Variants in WT1 observed in about 807,000 individuals in gnomAD.
WT1 encodes Wilms tumor protein.
WT1 carries 8 observed loss-of-function variants against 60.8 expected under a neutral mutation model. That is an observed-to-expected ratio of 0.13 (90% CI 0.08 to 0.24). The LOEUF is 0.24. Among genes scored for constraint, WT1 ranks in the 10% least tolerant of loss-of-function variants. WT1 has a pLI of 1.00. For missense variants in WT1, 568 were observed against 711.8 expected, an observed-to-expected ratio of 0.80 and a Z score of 2.30; for synonymous variants, 312 against 297.1, an observed-to-expected ratio of 1.05 and a Z score of -0.52.
In WT1 at chr11:32,416,672, C is replaced by G. The variant is rs1367338399; in HGVS notation, c.966-132G>C. 4.3e-6 allele frequency: 5 copies of G among 1,159,420 alleles called. No homozygotes were observed. The Admixed American group carries it at 6.8e-5, about 16-fold the overall frequency. The allele number at this position is 1,159,420 out of a possible 1,614,324, so 71.8% of individuals were successfully genotyped here. A position where few individuals can be genotyped will look rare whatever the true frequency, so the allele number is the denominator to read the frequency against. On this transcript the variant is annotated intron_variant, in intron 4 of 9. Transcript: ENST00000452863. ...CAAGCTAGCTATCAAGAGTGCTGAA[C>G]TAAGTCCCCAGTCCCACTGGGGCCA...
intron 5 of WT1, among the ~76,000 whole-genome samples, chr11:32,407,813 CAAGAG>C (rs1019781729): frequency 1.6e-4 from 24 of 151,612 alleles, no homozygotes; most frequent in Admixed American, 5.9e-4. Context: ...AGTTTAAACA[CAAGAG>C]AAGAGGCTGA....
chr11:32,415,838 A>T (rs1000032776), intron 5 of WT1, among the ~76,000 whole-genome samples: 6 of 152,164 alleles, frequency 3.9e-5, no homozygotes, highest in African/African-American at 1.4e-4. Context: ...CCTAACAGTA[A>T]GTCTTGGAAG....
At chr11:32,389,641 A>T (rs959318973) in intron 9 of WT1, among the ~76,000 whole-genome samples, 1 of 152,120 alleles carries the variant, frequency 6.6e-6, no homozygotes, top group Admixed American at 6.5e-5. Context: ...CTCAGCTGTG[A>T]CTGAAGCTTT....
At chr11:32,401,015 G>C (rs1852136371) in intron 5 of WT1, among the ~76,000 whole-genome samples, 1 of 152,126 alleles carries the variant, frequency 6.6e-6, no homozygotes, top group Non-Finnish European at 1.5e-5. Context: ...TATTCCCAAG[G>C]GAAATGAAAA....
chr11:32,409,774 A>G (rs1221572732), intron 5 of WT1, among the ~76,000 whole-genome samples: 4 of 151,954 alleles, frequency 2.6e-5, no homozygotes, highest in Admixed American at 1.3e-4. Context: ...TAATATTGTT[A>G]CTAGATGATC....
intron 1 of WT1, among the ~76,000 whole-genome samples, chr11:32,432,724 G>C (rs1462808713): frequency 1.3e-5 from 2 of 152,046 alleles, no homozygotes; most frequent in East Asian, 3.9e-4. Context: ...ATGCCTGCTG[G>C]CTGCAAAACC....
At chr11:32,432,590 C>A (rs1853349842) in intron 1 of WT1, among the ~76,000 whole-genome samples, 1 of 152,214 alleles carries the variant, frequency 6.6e-6, no homozygotes, top group Non-Finnish European at 1.5e-5. Flanking sequence ...CTCCATTGGG[C>A]TTTTTCTCCA....
Position 32,435,013 on chromosome 11 carries a change from C to CG in WT1, c.347dup (p.Ala118ArgfsTer86). On this transcript the variant is annotated frameshift_variant, in exon 1 of 10. Coordinates refer to ENST00000452863, the MANE Select transcript of WT1 (RefSeq NM_024426.6). LOFTEE classifies it high-confidence loss of function. ...CCAACGACCCGTAAGCCGAAGCGCC[C>CG]GGGGGCGCAAAGTCCAGCACCGGCG... 1 of 1,487,734 alleles carries CG rather than the reference C, an allele frequency of 6.7e-7. No homozygotes were observed. The highest frequency in any genetic ancestry group is 8.9e-7 in the Non-Finnish European group (1 of 1,129,312). 92.2% of individuals were successfully genotyped at this position (1,487,734 alleles called of 1,614,324 possible).
At chr11:32,429,018 C>A in intron 1 of WT1, 1 of 330,360 alleles carries the variant, frequency 3.0e-6, no homozygotes, top group Non-Finnish European at 6.0e-6. Context: ...CGCGGGCAAG[C>A]GAAATGAATC....
chr11:32,400,909 T>C (rs1852134491), intron 5 of WT1, among the ~76,000 whole-genome samples: 1 of 152,244 alleles, frequency 6.6e-6, no homozygotes. Flanking sequence ...GAAATAGCTC[T>C]GTGAAATGAT....
intron 9 of WT1, among the ~76,000 whole-genome samples, chr11:32,389,837 A>T (rs1851766132): frequency 6.6e-6 from 1 of 152,114 alleles, no homozygotes; most frequent in South Asian, 2.1e-4. Flanking sequence ...TTGCCAAAAG[A>T]TTGAGGCTTC....
In WT1 at chr11:32,435,537, C is replaced by A; in HGVS notation, c.-177G>T. 1 of 1,011,028 alleles carries A rather than the reference C, an allele frequency of 9.9e-7. No homozygotes were observed. The highest frequency in any genetic ancestry group is 1.4e-6 in the Non-Finnish European group (1 of 708,378). The allele number at this position is 1,011,028 out of a possible 1,614,324, so 62.6% of individuals were successfully genotyped here. On this transcript the variant is annotated 5_prime_UTR_variant, in exon 1 of 10. Coordinates refer to ENST00000452863, the MANE Select transcript of WT1 (RefSeq NM_024426.6). ...TGCCTTGAACTCCTTACCCCAGCTG[C>A]CTGGCTGCCCTCAGCTTCCCAAAGC...
intron 1 of WT1, 61 bp downstream of exon 1, chr11:32,434,639 A>G (rs1590408577): frequency 1.9e-6 from 3 of 1,610,332 alleles, no homozygotes; most frequent in Non-Finnish European, 2.5e-6. Context: ...GGGGTGTCCT[A>G]GAGCGGAGAG....
chr11:32,424,159 T>TCAAA (rs1185560774), intron 3 of WT1, among the ~76,000 whole-genome samples: 10 of 37,616 alleles, frequency 2.7e-4, no homozygotes, highest in Non-Finnish European at 3.3e-4. Flanking sequence ...AGATGCCATC[T>TCAAA]CAAAAAAAAA....
At chr11:32,433,087 C>T (rs1269561447) in intron 1 of WT1, among the ~76,000 whole-genome samples, 1 of 152,198 alleles carries the variant, frequency 6.6e-6, no homozygotes, top group Admixed American at 6.5e-5. Context: ...CTCCAGGTTG[C>T]CCATCTCAGC....
intron 3 of WT1, among the ~76,000 whole-genome samples, chr11:32,423,316 A>AAGT (rs1852915166): frequency 6.6e-6 from 1 of 152,226 alleles, no homozygotes; most frequent in Non-Finnish European, 1.5e-5. Flanking sequence ...ACTTCACCCC[A>AAGT]ACAGTTCACA....
intron 7 of WT1, among the ~76,000 whole-genome samples, chr11:32,394,574 T>C (rs1851910832): frequency 6.6e-6 from 1 of 152,232 alleles, no homozygotes; most frequent in Non-Finnish European, 1.5e-5. Flanking sequence ...CTCTTTCTGC[T>C]ATATCCTATA....
At chr11:32,390,124 C>T (rs1371907453) in intron 9 of WT1, among the ~76,000 whole-genome samples, 1 of 152,192 alleles carries the variant, frequency 6.6e-6, no homozygotes, top group Non-Finnish European at 1.5e-5. Context: ...TGTATCACAC[C>T]TCCCAGGCCT....
At chr11:32,429,327 T>C (rs989173895) in intron 1 of WT1, among the ~76,000 whole-genome samples, 1 of 152,044 alleles carries the variant, frequency 6.6e-6, no homozygotes, top group Non-Finnish European at 1.5e-5. Flanking sequence ...ACCACTGCTG[T>C]AGGAGCCAAC....
Sources: allele counts gnomAD v4.1 joint callset (sites outside exome capture counted in the v4.1 genomes callset), GRCh38; gene constraint gnomAD v4.1.1; transcripts MANE v1.5; gene names NCBI Gene and HGNC (gene_info 2026-07-23, HGNC 2026-07-21).